The following ELOVL5 variants were observed in gnomAD, a reference collection of about 807,000 sequenced individuals.
The protein encoded by ELOVL5 is ELOVL fatty acid elongase 5.
A neutral mutation model predicts 38.6 loss-of-function variants in ELOVL5; 8 were observed. The observed-to-expected ratio is 0.21, with a 90% confidence interval of 0.12 to 0.37. The LOEUF (loss-of-function observed/expected upper bound fraction) is 0.37. Ranked by LOEUF, ELOVL5 falls within the 10% of genes least tolerant of loss-of-function variation. The probability of loss-of-function intolerance (pLI) is 1.00; values close to 1 mark genes in which losing one functional copy is unlikely to be tolerated. For synonymous variants in ELOVL5, 127 were observed against 133.7 expected, an observed-to-expected ratio of 0.95 and a Z score of 0.34; for missense variants, 280 against 367.8, an observed-to-expected ratio of 0.76 and a Z score of 1.95.
chr6:53,290,354 C>T (rs1304033398), intron 3 of ELOVL5: 2 of 152,114 alleles, frequency 1.3e-5, no homozygotes, highest in Non-Finnish European at 2.9e-5. Context: ...AAAGACATGG[C>T]TGTATTATCT....
At chr6:53,348,551 C>A (rs1342359841) in intron 1 of ELOVL5, among the ~76,000 whole-genome samples, 1 of 152,174 alleles carries the variant, frequency 6.6e-6, no homozygotes, top group East Asian at 1.9e-4. Context: ...CGCTCCCGAG[C>A]GCCCTGCCTC....
chr6:53,339,667 A>C (rs764837245), intron 1 of ELOVL5, among the ~76,000 whole-genome samples: 30 of 152,230 alleles, frequency 2.0e-4, no homozygotes, highest in African/African-American at 5.3e-4. Flanking sequence ...GGTGTAAATA[A>C]ACCTACTGCA....
chr6:53,273,159 C>G (rs903604211), intron 6 of ELOVL5, 61 bp downstream of exon 6: 1 of 1,584,008 alleles, frequency 6.3e-7, no homozygotes, highest in Non-Finnish European at 8.6e-7. Context: ...AACACTAAAG[C>G]CAGGAAGAGG....
chr6:53,339,022 C>T (rs950017966), intron 1 of ELOVL5, among the ~76,000 whole-genome samples: 4 of 149,636 alleles, frequency 2.7e-5, no homozygotes, highest in African/African-American at 9.9e-5. Context: ...AACACAAAAA[C>T]ACATTTCTTT....
intron 1 of ELOVL5, among the ~76,000 whole-genome samples, chr6:53,307,749 G>A (rs918134635): frequency 2.0e-5 from 3 of 152,222 alleles, no homozygotes; most frequent in Non-Finnish European, 4.4e-5. Context: ...TTCTCTGTGA[G>A]TAGAAGAGCA....
intron 1 of ELOVL5, among the ~76,000 whole-genome samples, chr6:53,345,934 T>G (rs188075959): frequency 6.6e-6 from 1 of 152,222 alleles, no homozygotes; most frequent in East Asian, 1.9e-4. Flanking sequence ...GCGATACATG[T>G]GCTGAACGTG....
intron 1 of ELOVL5, among the ~76,000 whole-genome samples, chr6:53,319,482 G>C (rs1768210533): frequency 2.0e-5 from 3 of 152,112 alleles, no homozygotes. Context: ...CACATTTCAA[G>C]TGCTCAGGAG....
At chr6:53,269,646 C>T (rs756765237) in intron 7 of ELOVL5, among the ~76,000 whole-genome samples, 6 of 152,224 alleles carry the variant, frequency 3.9e-5, no homozygotes, top group Non-Finnish European at 7.3e-5. Context: ...ACCCACATCC[C>T]TTGTTCGTCT....
intron 1 of ELOVL5, among the ~76,000 whole-genome samples, chr6:53,297,512 T>A (rs947190844): frequency 6.6e-6 from 1 of 152,222 alleles, no homozygotes. Context: ...TAGACACTTC[T>A]TCACCCTTGA....
chr6:53,306,820 A>AC (rs1767599863), intron 1 of ELOVL5, among the ~76,000 whole-genome samples: 3 of 152,254 alleles, frequency 2.0e-5, no homozygotes, highest in Admixed American at 2.0e-4. Flanking sequence ...TGAGTGAAGC[A>AC]CACTGTTATT....
chr6:53,276,584 C>T (rs1397719958), intron 3 of ELOVL5, among the ~76,000 whole-genome samples: 5 of 152,110 alleles, frequency 3.3e-5, no homozygotes, highest in Non-Finnish European at 5.9e-5. Flanking sequence ...TCACAGGCTC[C>T]CTGCTCTGCC....
chr6:53,329,825 G>GA (rs1768710873), intron 1 of ELOVL5, among the ~76,000 whole-genome samples: 1 of 151,930 alleles, frequency 6.6e-6, no homozygotes, highest in African/African-American at 2.4e-5. Context: ...CTTCGTCTCA[G>GA]AAAAAAATAA....
At chr6:53,301,700 G>C (rs971896638) in intron 1 of ELOVL5, among the ~76,000 whole-genome samples, 5 of 151,898 alleles carry the variant, frequency 3.3e-5, no homozygotes, top group Admixed American at 2.0e-4. Context: ...AATAATGACA[G>C]TAAAAATGGA....
In ELOVL5 at chr6:53,279,556, G is replaced by C. The variant is rs116693797; in HGVS notation, c.247-3300C>G. ...TTCCAGCACAGGGATTAGCGTACCAGAGATGTCAAACAAATATTTGCTAAA... is the reference window on the plus strand; with the variant it reads ...TTCCAGCACAGGGATTAGCGTACCACAGATGTCAAACAAATATTTGCTAAA... On this transcript the variant is annotated intron_variant, in intron 3 of 7. Coordinates refer to ENST00000304434, the MANE Select transcript of ELOVL5 (RefSeq NM_021814.5). Among the ~76,000 whole-genome samples the C allele has an allele frequency of 5.0e-3, 760 of 152,358 alleles. 3 individuals are homozygous for C. The highest frequency in any genetic ancestry group is 8.6e-3 in the Non-Finnish European group (586 of 68,036).
At chr6:53,305,451 G>T (rs1767476486) in intron 1 of ELOVL5, among the ~76,000 whole-genome samples, 1 of 151,244 alleles carries the variant, frequency 6.6e-6, no homozygotes, top group Admixed American at 6.6e-5. Context: ...AGACGGGGTG[G>T]CAGCCGGGCG....
In ELOVL5 at chr6:53,300,218, A is replaced by G. The variant is rs77735697; in HGVS notation, c.-8-4511T>C. ...CTGTTTGTTTCTGCACAGGTTACTA[A>G]GAGACACCTTCACCAAAAGCTTCAT... On this transcript the variant is annotated intron_variant, in intron 1 of 7. Transcript: ENST00000304434. 6.7e-3 allele frequency among the ~76,000 whole-genome samples: 1,015 copies of G among 152,268 alleles called. 19 individuals carry two copies. Among genetic ancestry groups the G allele is most frequent in the African/African-American group, 0.023 (975 of 41,538 alleles).
intron 1 of ELOVL5, among the ~76,000 whole-genome samples, chr6:53,297,590 CT>C (rs1265817788): frequency 6.6e-6 from 1 of 152,114 alleles, no homozygotes; most frequent in Non-Finnish European, 1.5e-5. Context: ...GTTCAGATAA[CT>C]TTTACTTTAC....
At chr6:53,280,138 G>A (rs1482828137) in intron 3 of ELOVL5, among the ~76,000 whole-genome samples, 1 of 152,216 alleles carries the variant, frequency 6.6e-6, no homozygotes, top group Admixed American at 6.5e-5. Context: ...ACACCACAGG[G>A]TGAGAGGACC....
At chr6:53,325,520 G>A (rs1034524862) in intron 1 of ELOVL5, among the ~76,000 whole-genome samples, 6 of 152,290 alleles carry the variant, frequency 3.9e-5, no homozygotes, top group Admixed American at 2.0e-4. Flanking sequence ...CTGAATGACC[G>A]AAGCAACTAG....
Sources: allele counts gnomAD v4.1 joint callset (sites outside exome capture counted in the v4.1 genomes callset), GRCh38; gene constraint gnomAD v4.1.1; transcripts MANE v1.5; gene names NCBI Gene and HGNC (gene_info 2026-07-23, HGNC 2026-07-21).